Variants in TUSC3 observed in about 807,000 individuals in gnomAD.
TUSC3 encodes tumor suppressor candidate 3, also known as dolichyl-diphosphooligosaccharide--protein glycosyltransferase subunit TUSC3.
A neutral mutation model predicts 44.8 loss-of-function variants in TUSC3; 45 were observed. That is an observed-to-expected ratio of 1.00 (90% CI 0.79 to 1.29). TUSC3 has a LOEUF of 1.29. Among genes scored for constraint, TUSC3 ranks in the 50% most tolerant of loss-of-function variants. TUSC3 has a pLI of 0.00. For synonymous variants in TUSC3, 212 were observed against 152.9 expected, an observed-to-expected ratio of 1.39 and a Z score of -2.85; for missense variants, 519 against 437.9, an observed-to-expected ratio of 1.19 and a Z score of -1.65.
At chr8:15,726,016 AC>A (rs920431562) in intron 6 of TUSC3, among the ~76,000 whole-genome samples, 2 of 152,126 alleles carry the variant, frequency 1.3e-5, no homozygotes, top group African/African-American at 4.8e-5. Flanking sequence ...TTTTCAAGTA[AC>A]CTTTTGGTCC....
At chr8:15,632,270 T>C (rs888134963) in intron 2 of TUSC3, among the ~76,000 whole-genome samples, 9 of 152,162 alleles carry the variant, frequency 5.9e-5, no homozygotes, top group East Asian at 5.8e-4. Context: ...ACTTTTTTTT[T>C]CCCTGAGGAA....
Position 15,576,693 on chromosome 8 carries a change from T to A in TUSC3, c.138+36125T>A, listed in dbSNP as rs1316074012. On this transcript the variant is annotated intron_variant, in intron 1 of 10. Transcript: ENST00000503731. Reference sequence around the variant, plus strand: ...TCCATGGTGTATATGTGCCACATTTTCTTAATCCAGTCTATCATTGTTGGA... The same window carrying A: ...TCCATGGTGTATATGTGCCACATTTACTTAATCCAGTCTATCATTGTTGGA... Among the ~76,000 whole-genome samples the A allele has an allele frequency of 7.3e-4, 99 of 136,104 alleles. 2 individuals carry two copies. The highest frequency in any genetic ancestry group is 2.6e-3 in the African/African-American group (90 of 34,568). 89.3% of individuals were successfully genotyped at this position (136,104 alleles called of 152,430 possible).
chr8:15,586,552 C>T (rs867124506), intron 1 of TUSC3, among the ~76,000 whole-genome samples: 7 of 152,110 alleles, frequency 4.6e-5, no homozygotes, highest in Admixed American at 2.6e-4. Flanking sequence ...ACCTCAGGCC[C>T]AGCCAGGACA....
At chr8:15,838,011 T>A in the TUSC3 span, among the ~76,000 whole-genome samples, 15 of 152,328 alleles carry the variant, frequency 9.8e-5, no homozygotes, top group South Asian at 3.1e-3. Context: ...TTTATTCTCT[T>A]ATGCTTTACT....
chr8:15,758,400 A>AAAAT, intron 10 of TUSC3: 1 of 339,044 alleles, frequency 2.9e-6, no homozygotes, highest in South Asian at 1.2e-4. Context: ...ATTTTACATA[A>AAAAT]AAATATAATT....
intron 1 of TUSC3, among the ~76,000 whole-genome samples, chr8:15,430,459 A>G (rs7828424): frequency 0.37 from 54,185 of 145,464 alleles, 13,577 homozygotes; most frequent in African/African-American, 0.68. Context: ...CAATAAATTA[A>G]GTATTGATGG....
At chr8:15,730,604 A>G in intron 6 of TUSC3, 62 bp from the exon 7 acceptor site, 1 of 1,539,110 alleles carries the variant, frequency 6.5e-7, no homozygotes. Flanking sequence ...TTCATGACTT[A>G]AAACTACAAA....
intron 1 of TUSC3, among the ~76,000 whole-genome samples, chr8:15,573,557 C>T (rs1390918098): frequency 6.6e-6 from 1 of 151,934 alleles, no homozygotes; most frequent in Non-Finnish European, 1.5e-5. Context: ...CTTCCCCCCT[C>T]ATCCCTTGAG....
At chr8:15,539,058 G>C, upstream of TUSC3, among the ~76,000 whole-genome samples, 1 of 149,404 alleles carries the variant, frequency 6.7e-6, no homozygotes, top group Non-Finnish European at 1.5e-5. Flanking sequence ...TCACTATCTT[G>C]CCCAGGCTGC....
At position 15,466,646 on chromosome 8, in the gene TUSC3, C is replaced by T. The variant is rs1034044406; in HGVS notation, n.92-16740C>T. ...TAGCTATCCAACTTAGAGAATGTCT[C>T]AAATAATCTTTTGCATTTGTCTGAA... On this transcript the variant is annotated intron_variant and non_coding_transcript_variant, in intron 1 of 5. Transcript: ENST00000503191. Among the ~76,000 whole-genome samples, 12 of 152,104 alleles carry T rather than the reference C, an allele frequency of 7.9e-5. No homozygotes were observed. The East Asian group carries it at 1.7e-3, about 22-fold the overall frequency.
intron 1 of TUSC3, among the ~76,000 whole-genome samples, chr8:15,573,192 CTCTCTCTCTCTATATATATATA>C (rs1281869408): frequency 1.1e-5 from 1 of 93,304 alleles, no homozygotes; most frequent in Non-Finnish European, 2.2e-5. Context: ...CTCTCTCTCT[CTCTCTCTCTCTATATATATATA>C]TATATATATA....
rs1370292407 is a variant in TUSC3 at position 15,631,636 on chromosome 8, C to G, written c.308+8387C>G. Among the ~76,000 whole-genome samples the G allele has an allele frequency of 3.3e-5, 5 of 151,096 alleles. No individual in the cohort carries two copies. In the East Asian group the frequency reaches 9.7e-4, roughly 29 times the overall value. On this transcript the variant is annotated intron_variant, in intron 2 of 10. Coordinates refer to ENST00000503731, the MANE Select transcript of TUSC3 (RefSeq NM_006765.4). ...ACATCATGAATATTGTCCCTAAATACTTCAGTAATACATCTCTTGAGTTTA... is the reference window on the plus strand; with the variant it reads ...ACATCATGAATATTGTCCCTAAATAGTTCAGTAATACATCTCTTGAGTTTA...
At chr8:15,625,280 A>G (rs1010634708) in intron 2 of TUSC3, among the ~76,000 whole-genome samples, 11 of 152,124 alleles carry the variant, frequency 7.2e-5, no homozygotes, top group Non-Finnish European at 1.3e-4. Flanking sequence ...TAAGTTAATG[A>G]TAGACACTGG....
At chr8:15,767,376 A>G (rs1812361253), downstream of TUSC3, among the ~76,000 whole-genome samples, 1 of 151,818 alleles carries the variant, frequency 6.6e-6, no homozygotes, top group Admixed American at 6.6e-5. Flanking sequence ...TTATGCATAG[A>G]TGTCAGGAAA....
intron 2 of TUSC3, among the ~76,000 whole-genome samples, chr8:15,634,972 G>T (rs1805997947): frequency 6.6e-6 from 1 of 152,130 alleles, no homozygotes; most frequent in South Asian, 2.1e-4. Context: ...CAGCCAAGTG[G>T]TCATTATCCT....
the TUSC3 span, among the ~76,000 whole-genome samples, chr8:15,830,270 T>G: frequency 6.6e-6 from 1 of 152,196 alleles, no homozygotes; most frequent in Non-Finnish European, 1.5e-5. Flanking sequence ...GATCATTTCT[T>G]TGCTCCACAT....
rs1239992834 is a variant in TUSC3 at position 15,523,686 on chromosome 8, G to GTATATATATA, written n.189+40204_189+40205insATATATATAT. ...TATATGTGTGTGTGTGTGTGTGTGT[G>GTATATATATA]TGTGTGTGTGTGTGTGTGTGTGTAT... On this transcript the variant is annotated intron_variant and non_coding_transcript_variant, in intron 2 of 5. Coordinates refer to the TUSC3 transcript ENST00000503191. 3.8e-3 allele frequency among the ~76,000 whole-genome samples: 177 copies of GTATATATATA among 45,978 alleles called. 4 individuals are homozygous for GTATATATATA. Among genetic ancestry groups the GTATATATATA allele is most frequent in the Non-Finnish European group, 5.4e-3 (124 of 22,828 alleles). The allele number at this position is 45,978 out of a possible 152,430, so 30.2% of individuals were successfully genotyped here. A position where few individuals can be genotyped will look rare whatever the true frequency, so the allele number is the denominator to read the frequency against.
intron 1 of TUSC3, among the ~76,000 whole-genome samples, chr8:15,470,006 A>T (rs1800464364): frequency 6.6e-6 from 1 of 152,190 alleles, no homozygotes; most frequent in South Asian, 2.1e-4. Flanking sequence ...CTGTAATCCC[A>T]GTACTTTGGA....
the TUSC3 span, among the ~76,000 whole-genome samples, chr8:15,828,782 G>T: frequency 6.6e-6 from 1 of 152,096 alleles, no homozygotes; most frequent in South Asian, 2.1e-4. Flanking sequence ...CATGCTATAA[G>T]CTGGCTATCT....
Sources: gnomAD v4.1 joint callset for allele counts (sites outside exome capture counted in the v4.1 genomes callset) on GRCh38, gnomAD v4.1.1 for gene constraint, MANE v1.5 for transcripts, NCBI Gene and HGNC (gene_info 2026-07-23, HGNC 2026-07-21) for gene names.